Variants in CDC42BPA observed in about 807,000 individuals in gnomAD.
CDC42BPA encodes CDC42 binding protein kinase alpha, also known as serine/threonine-protein kinase MRCK alpha.
In CDC42BPA, 80 loss-of-function variants were observed where a neutral mutation model predicts 223.5. The observed-to-expected ratio is 0.36, with a 90% CI of 0.30 to 0.43. The LOEUF (loss-of-function observed/expected upper bound fraction) is 0.43, where lower values mean the gene tolerates loss of function less well. CDC42BPA is among the 20% of genes least tolerant of loss of function. The pLI, the probability that CDC42BPA is intolerant of heterozygous loss-of-function variation, is 1.00. For missense variants in CDC42BPA, 1,743 were observed against 2,099.9 expected, an observed-to-expected ratio of 0.83 and a Z score of 3.32; for synonymous variants, 694 against 718.6, an observed-to-expected ratio of 0.97 and a Z score of 0.55.
intron 1 of CDC42BPA, chr1:227,265,324 T>C: frequency 4.8e-6 from 2 of 413,100 alleles, no homozygotes; most frequent in South Asian, 5.3e-5. Context: ...TACAGGTACC[T>C]ATACCTCATA....
chr1:227,260,253 C>T (rs1320911892), intron 1 of CDC42BPA, among the ~76,000 whole-genome samples: 1 of 150,988 alleles, frequency 6.6e-6, no homozygotes, highest in East Asian at 1.9e-4. Context: ...TAAAAAAGAT[C>T]TCTGAAACTG....
Position 226,994,204 on chromosome 1 carries a change from G to A in CDC42BPA, c.*64C>T. 1 of 1,501,708 alleles carries A rather than the reference G, an allele frequency of 6.7e-7. No individual in the cohort carries two copies. The highest frequency in any genetic ancestry group is 1.2e-5 in the South Asian group (1 of 81,882). 93.0% of individuals were successfully genotyped at this position (1,501,708 alleles called of 1,614,324 possible). A position where few individuals can be genotyped will look rare whatever the true frequency, so the allele number is the denominator to read the frequency against. On this transcript the variant is annotated 3_prime_UTR_variant, in exon 37 of 37. Transcript: ENST00000366766. The surrounding 1 kb of genome is among the most constrained non-coding windows in gnomAD (Gnocchi z 4.0). The stretch of plus-strand genomic sequence containing the variant: ...CCGAGCAGGCGAGGTGGAGGGAAGA[G>A]ATGAAAGTGAGAGGAGGCGAGTGGC...
chr1:227,305,534 C>T (rs1233176384), intron 1 of CDC42BPA, among the ~76,000 whole-genome samples: 2 of 152,160 alleles, frequency 1.3e-5, no homozygotes, highest in East Asian at 1.9e-4. Flanking sequence ...ATTACTAGGT[C>T]CTCTCATACC....
At chr1:227,072,525 G>A (rs1465899768) in intron 19 of CDC42BPA, among the ~76,000 whole-genome samples, 1 of 151,952 alleles carries the variant, frequency 6.6e-6, no homozygotes, top group Non-Finnish European at 1.5e-5. Flanking sequence ...GACTATGGCT[G>A]CTTTTACACT....
intron 1 of CDC42BPA, among the ~76,000 whole-genome samples, chr1:227,261,826 G>C (rs1363190341): frequency 6.6e-6 from 1 of 152,054 alleles, no homozygotes; most frequent in Non-Finnish European, 1.5e-5. Context: ...TAAAAATTCT[G>C]ATTCTTGTCC....
chr1:227,305,345 G>T (rs4284230), intron 1 of CDC42BPA, among the ~76,000 whole-genome samples: 46,745 of 151,852 alleles, frequency 0.31, 7,367 homozygotes, highest in East Asian at 0.37. Flanking sequence ...CCATTACTCT[G>T]TATAGATTAC....
chr1:227,031,643 G>A (rs1250014031), intron 27 of CDC42BPA, 129 bp from the exon 28 acceptor site: 2 of 694,124 alleles, frequency 2.9e-6, no homozygotes, highest in East Asian at 5.3e-5. Context: ...CATTACTGGA[G>A]TTCAGCTATT....
intron 12 of CDC42BPA, among the ~76,000 whole-genome samples, 158 bp from the exon 13 acceptor site, chr1:227,113,071 T>C (rs547178238): frequency 1.6e-3 from 238 of 152,344 alleles, no homozygotes; most frequent in Middle Eastern, 3.4e-3. Context: ...ATTAACGGCA[T>C]GGTGTCCTGA....
At chr1:227,228,554 A>T (rs1677258915) in intron 2 of CDC42BPA, among the ~76,000 whole-genome samples, 1 of 152,230 alleles carries the variant, frequency 6.6e-6, no homozygotes, top group African/African-American at 2.4e-5. Flanking sequence ...ATGTCGGAGT[A>T]GAATTGCTGG....
Position 227,023,451 on chromosome 1 carries a change from A to G in CDC42BPA, c.4531-104T>C, listed in dbSNP as rs1175545114. 8 of 535,782 alleles carry G rather than the reference A, an allele frequency of 1.5e-5. No homozygotes were observed. In the East Asian group the frequency reaches 2.6e-4, roughly 17 times the overall value. The allele number at this position is 535,782 out of a possible 1,614,324, so 33.2% of individuals were successfully genotyped here. A position where few individuals can be genotyped will look rare whatever the true frequency, so the allele number is the denominator to read the frequency against. Reference sequence around the variant, plus strand: ...CACACCTTATTAAGACTTCTCATTTATCTACTTCAAAATGCAGCCCTCTCA... The same window carrying G: ...CACACCTTATTAAGACTTCTCATTTGTCTACTTCAAAATGCAGCCCTCTCA... On this transcript the variant is annotated intron_variant, in intron 31 of 36. Transcript: ENST00000366766.
chr1:227,264,596 T>C (rs1684662368), intron 1 of CDC42BPA, among the ~76,000 whole-genome samples: 1 of 151,964 alleles, frequency 6.6e-6, no homozygotes, highest in Non-Finnish European at 1.5e-5. Flanking sequence ...AGTCACGGGA[T>C]TTTCAAAAAG....
At chr1:227,001,632 C>T (rs960059571) in intron 35 of CDC42BPA, among the ~76,000 whole-genome samples, 7 of 152,136 alleles carry the variant, frequency 4.6e-5, no homozygotes, top group Non-Finnish European at 5.9e-5. Context: ...CTGGGCTGGG[C>T]GCGGTGGGTC....
chr1:227,145,177 A>C (rs1053038343), intron 8 of CDC42BPA, among the ~76,000 whole-genome samples: 1 of 152,198 alleles, frequency 6.6e-6, no homozygotes, highest in Admixed American at 6.5e-5. Context: ...CAACCTCTGC[A>C]CTTTACAATC....
chr1:227,027,152 G>C (rs985412565), intron 30 of CDC42BPA, among the ~76,000 whole-genome samples: 1 of 152,080 alleles, frequency 6.6e-6, no homozygotes, highest in African/African-American at 2.4e-5. Context: ...AAGATCTGCA[G>C]TTGAAAAGCT....
At chr1:227,060,717 CTTTTTTTTTTT>C (rs59728048) in intron 21 of CDC42BPA, among the ~76,000 whole-genome samples, 1 of 95,452 alleles carries the variant, frequency 1.0e-5, no homozygotes, top group Non-Finnish European at 2.0e-5. Flanking sequence ...TAAATAGGTA[CTTTTTTTTTTT>C]TTTTTTTTTT....
chr1:227,052,919 A>AT (rs1673838685), intron 21 of CDC42BPA, among the ~76,000 whole-genome samples: 1 of 152,244 alleles, frequency 6.6e-6, no homozygotes, highest in Non-Finnish European at 1.5e-5. Context: ...AAGTAGAACT[A>AT]TTAAAACAAT....
chr1:227,098,547 C>T (rs1439043383), intron 15 of CDC42BPA, among the ~76,000 whole-genome samples: 1 of 152,104 alleles, frequency 6.6e-6, no homozygotes, highest in Admixed American at 6.6e-5. Context: ...CTCCTGTAGT[C>T]GTCCTTTCTA....
intron 35 of CDC42BPA, among the ~76,000 whole-genome samples, chr1:226,999,465 C>T (rs980859155): frequency 2.0e-5 from 3 of 152,128 alleles, no homozygotes; most frequent in South Asian, 2.1e-4. Flanking sequence ...CCTGAGCCAC[C>T]GCGCCCAGCC....
rs146649406 is a variant in CDC42BPA, at chr1:227,022,987, G to A, written c.4615+276C>T. Among the ~76,000 whole-genome samples, 659 of 152,308 alleles carry A rather than the reference G, an allele frequency of 4.3e-3. 4 individuals are homozygous for A. Among genetic ancestry groups the A allele is most frequent in the African/African-American group, 0.015 (634 of 41,566 alleles). ...ATTGAAAATACAGAAGACATAATCA[G>A]CTACACTTTCTCTACTTACTCAGGT... On this transcript the variant is annotated intron_variant, in intron 32 of 36. Transcript: ENST00000366766.
Sources: gnomAD v4.1 joint callset for allele counts (sites outside exome capture counted in the v4.1 genomes callset) on GRCh38, gnomAD v4.1.1 for gene constraint, Gnocchi (gnomAD v3.1) non-coding constraint, MANE v1.5 for transcripts, NCBI Gene and HGNC (gene_info 2026-07-23, HGNC 2026-07-21) for gene names.